Variants in COX16 observed in about 807,000 individuals in gnomAD.
COX16 encodes cytochrome c oxidase assembly protein COX16 homolog, mitochondrial.
Under a neutral mutation model 15.4 loss-of-function variants are expected in COX16, and 12 were observed. The observed-to-expected ratio is 0.78, with a 90% CI of 0.50 to 1.26. The LOEUF (loss-of-function observed/expected upper bound fraction) is 1.26, where lower values mean the gene tolerates loss of function less well. Ranked by LOEUF, COX16 falls within the 50% of genes most tolerant of loss-of-function variation. The pLI is 0.00. For missense variants in COX16, 124 were observed against 127.6 expected (o/e 0.97, Z 0.14); for synonymous variants, 46 against 41.1 (o/e 1.12, Z -0.46).
chr14:70,353,890 T>C (rs893535763), intron 1 of COX16, among the ~76,000 whole-genome samples: 5 of 152,090 alleles, frequency 3.3e-5, no homozygotes, highest in Non-Finnish European at 7.4e-5. Flanking sequence ...AACATAAATG[T>C]TTATAATTTT....
intron 1 of COX16, among the ~76,000 whole-genome samples, chr14:70,351,347 C>T (rs996323695): frequency 6.6e-6 from 1 of 151,136 alleles, no homozygotes; most frequent in Non-Finnish European, 1.5e-5. Flanking sequence ...AATAAATACA[C>T]ACAAAAGTGT....
At chr14:70,355,080 A>T (rs1887087412) in intron 1 of COX16, among the ~76,000 whole-genome samples, 1 of 152,070 alleles carries the variant, frequency 6.6e-6, no homozygotes, top group African/African-American at 2.4e-5. Context: ...TTTCCTGGAC[A>T]CCACTTTCCC....
At chr14:70,345,694 C>G (rs1886756925) in intron 1 of COX16, among the ~76,000 whole-genome samples, 1 of 152,108 alleles carries the variant, frequency 6.6e-6, no homozygotes, top group Non-Finnish European at 1.5e-5. Context: ...GGAAGAAATT[C>G]CTTATGTCCA....
chr14:70,329,168 C>T lies in COX16; in HGVS notation c.204+6G>A. 4 of 1,601,792 alleles carry T rather than the reference C, an allele frequency of 2.5e-6. No individual in the cohort carries two copies. Among genetic ancestry groups the T allele is most frequent in the Non-Finnish European group, 3.4e-6 (4 of 1,173,504 alleles). ...ATAAGACAGAGACTATATTAACATA[C>T]CGTACCTCATATTCCGACTCTAAAG... On this transcript the variant is annotated splice_donor_region_variant and intron_variant, in intron 3 of 3. Transcript: ENST00000389912.
At chr14:70,332,137 A>G (rs1483956564) in intron 2 of COX16, among the ~76,000 whole-genome samples, 1 of 152,222 alleles carries the variant, frequency 6.6e-6, no homozygotes, top group African/African-American at 2.4e-5. Flanking sequence ...GGACTCATAC[A>G]TGCTAGTGAC....
At chr14:70,347,232 T>TCCTTTAACAC (rs2140733470) in intron 1 of COX16, among the ~76,000 whole-genome samples, 1 of 152,300 alleles carries the variant, frequency 6.6e-6, no homozygotes, top group South Asian at 2.1e-4. Flanking sequence ...ACACCAGTTC[T>TCCTTTAACAC]ACCTGTTTAA....
intron 1 of COX16, among the ~76,000 whole-genome samples, chr14:70,351,840 A>G (rs1886965823): frequency 6.6e-6 from 1 of 152,156 alleles, no homozygotes; most frequent in South Asian, 2.1e-4. Context: ...TATGTTTTAT[A>G]GTGTTTTATA....
At chr14:70,338,245 T>G (rs1051282517) in intron 2 of COX16, among the ~76,000 whole-genome samples, 1 of 152,166 alleles carries the variant, frequency 6.6e-6, no homozygotes, top group African/African-American at 2.4e-5. Context: ...TCCGAGTAGC[T>G]GGGACTGCGG....
chr14:70,342,601 C>T, intron 2 of COX16, 57 bp downstream of exon 2: 2 of 1,559,068 alleles, frequency 1.3e-6, no homozygotes, highest in Non-Finnish European at 8.7e-7. Flanking sequence ...TACAATTCTC[C>T]TAAACCAGAA....
At chr14:70,341,736 G>A (rs1490304046) in intron 2 of COX16, among the ~76,000 whole-genome samples, 2 of 152,052 alleles carry the variant, frequency 1.3e-5, no homozygotes, top group South Asian at 2.1e-4. Flanking sequence ...TTCAACGTAC[G>A]TTTCTTTTAC....
chr14:70,350,961 CTG>C (rs1267096510), intron 1 of COX16, among the ~76,000 whole-genome samples: 3 of 152,314 alleles, frequency 2.0e-5, no homozygotes, highest in South Asian at 2.1e-4. Context: ...ATCAGCCTAA[CTG>C]TGGAATTTAC....
At chr14:70,359,216 TA>T (rs1218706040) in intron 1 of COX16, 1 of 513,144 alleles carries the variant, frequency 1.9e-6, no homozygotes, top group Middle Eastern at 2.9e-4. Context: ...TCAATTTACT[TA>T]ACTGTGAATC....
At chr14:70,343,964 G>A (rs1173247146) in intron 1 of COX16, among the ~76,000 whole-genome samples, 1 of 152,184 alleles carries the variant, frequency 6.6e-6, no homozygotes, top group Non-Finnish European at 1.5e-5. Context: ...AATTTGGTGG[G>A]TAGGGGCTTG....
At position 70,342,679 on chromosome 14, in the gene COX16, T is replaced by G; in HGVS notation, c.120A>C (p.Arg40=). 1 of 1,613,050 alleles carries G rather than the reference T, an allele frequency of 6.2e-7. No individual in the cohort carries two copies. The highest frequency in any genetic ancestry group is 1.3e-5 in the African/African-American group (1 of 74,944). Reference sequence around the variant, plus strand: ...TTACTTTACTCTTCACAGCATCATATCGGATTTGAGAAAACTCACGAAGAC... The same window carrying G: ...TTACTTTACTCTTCACAGCATCATAGCGGATTTGAGAAAACTCACGAAGAC... ...SFGLREFSQI[R]YDAVKSKMDP... The change falls in exon 2 of 4, where the codon CGA becomes CGC. Residue 40 remains arginine, a synonymous_variant. Transcript: ENST00000389912.
intron 2 of COX16, among the ~76,000 whole-genome samples, chr14:70,331,513 C>T (rs918458135): frequency 6.6e-6 from 1 of 151,978 alleles, no homozygotes; most frequent in African/African-American, 2.4e-5. Context: ...AAATGGCCAA[C>T]AGACATATAA....
intron 1 of COX16, among the ~76,000 whole-genome samples, chr14:70,358,500 C>G (rs1231814670): frequency 1.3e-5 from 2 of 150,530 alleles, no homozygotes; most frequent in Non-Finnish European, 3.0e-5. Flanking sequence ...CGTGCTTGGC[C>G]CAGATACTTC....
intron 1 of COX16, among the ~76,000 whole-genome samples, chr14:70,343,630 T>A (rs1256154458): frequency 6.6e-6 from 1 of 152,182 alleles, no homozygotes; most frequent in Non-Finnish European, 1.5e-5. Context: ...GCTATACAGG[T>A]CACAGGTAAA....
At chr14:70,352,944 A>G (rs531189121) in intron 1 of COX16, among the ~76,000 whole-genome samples, 2 of 152,156 alleles carry the variant, frequency 1.3e-5, no homozygotes, top group South Asian at 4.1e-4. Flanking sequence ...ACCTTAAAAG[A>G]TCCCCAAGTT....
intron 3 of COX16, 124 bp downstream of exon 3, chr14:70,329,050 G>T: frequency 3.3e-6 from 2 of 610,478 alleles, no homozygotes; most frequent in Non-Finnish European, 4.4e-6. Flanking sequence ...CTTTTCAAAT[G>T]ATTATAGTTT....
Sources: allele counts gnomAD v4.1 joint callset (sites outside exome capture counted in the v4.1 genomes callset), GRCh38; gene constraint gnomAD v4.1.1; transcripts MANE v1.5; gene names NCBI Gene and HGNC (gene_info 2026-07-23, HGNC 2026-07-21).